Variants in OPRM1 observed in about 807,000 individuals in gnomAD.
OPRM1 encodes mu-type opioid receptor.
A neutral mutation model predicts 31.8 loss-of-function variants in OPRM1; 27 were observed. The ratio of observed to expected loss-of-function variants is 0.85; its 90% CI spans 0.63 to 1.17. The LOEUF (loss-of-function observed/expected upper bound fraction) is 1.17. Among genes scored for constraint, OPRM1 ranks in the 50% most tolerant of loss-of-function variants. The probability of loss-of-function intolerance (pLI) is 0.00; values close to 1 mark genes in which losing one functional copy is unlikely to be tolerated. For synonymous variants in OPRM1, 196 were observed against 189.9 expected (o/e 1.03, Z -0.26); for missense variants, 536 against 511.1 (o/e 1.05, Z -0.47).
At chr6:154,108,707 A>G in intron 3 of OPRM1, 1 of 862,542 alleles carries the variant, frequency 1.2e-6, no homozygotes, top group Non-Finnish European at 1.4e-6. Flanking sequence ...GGGGTCTCTA[A>G]CACCCTAAAT....
At chr6:154,053,780 C>G (rs1161877426) in intron 1 of OPRM1, among the ~76,000 whole-genome samples, 2 of 152,134 alleles carry the variant, frequency 1.3e-5, no homozygotes, top group Non-Finnish European at 2.9e-5. Context: ...GCCAGATGAC[C>G]ATCAGGAAAA....
intron 1 of OPRM1, among the ~76,000 whole-genome samples, chr6:154,075,742 G>A (rs771555447): frequency 2.4e-4 from 36 of 152,172 alleles, no homozygotes; most frequent in Non-Finnish European, 4.3e-4. Flanking sequence ...TATGCAGAGG[G>A]CTTGAAGACT....
At chr6:154,239,603 C>T (rs557833608) in intron 3 of OPRM1, among the ~76,000 whole-genome samples, 2 of 152,354 alleles carry the variant, frequency 1.3e-5, no homozygotes, top group Admixed American at 1.3e-4. Flanking sequence ...GACATGTCAA[C>T]ATTCCACCTT....
intron 1 of OPRM1, among the ~76,000 whole-genome samples, chr6:154,075,738 G>A (rs1787765007): frequency 6.6e-6 from 1 of 152,202 alleles, no homozygotes; most frequent in South Asian, 2.1e-4. Context: ...CTCCTATGCA[G>A]AGGGCTTGAA....
At position 154,129,529 on chromosome 6, in the gene OPRM1, C is replaced by T. The variant is rs1423347178; in HGVS notation, c.*10808C>T. Among the ~76,000 whole-genome samples the T allele has an allele frequency of 6.6e-6, 1 of 152,062 alleles. No homozygotes were observed. The highest frequency in any genetic ancestry group is 1.9e-4 in the East Asian group (1 of 5,198). On this transcript the variant is annotated 3_prime_UTR_variant, in exon 4 of 4. Coordinates refer to ENST00000330432, the MANE Select transcript of OPRM1 (RefSeq NM_000914.5). Reference sequence around the variant, plus strand: ...AACATCATATATGATTGGAGACTTCCACATAATTGAGTTTTAGTGCCCACT... The same window carrying T: ...AACATCATATATGATTGGAGACTTCTACATAATTGAGTTTTAGTGCCCACT...
In OPRM1 at chr6:154,061,615, A is replaced by C. The variant is rs555101227; in HGVS notation, c.290+21781A>C. Among the ~76,000 whole-genome samples, 14 of 152,244 alleles carry C rather than the reference A, an allele frequency of 9.2e-5. 1 individual carries two copies. The highest frequency in any genetic ancestry group is 3.4e-4 in the African/African-American group (14 of 41,554). ...GTTCTCACTTATAAGTGAGAGCTAA[A>C]CATTGAGTACACATGGACAAAGAGG... On this transcript the variant is annotated intron_variant, in intron 1 of 3. Transcript: ENST00000330432.
At chr6:154,145,626 A>G (rs1798340209) in intron 3 of OPRM1, among the ~76,000 whole-genome samples, 1 of 152,278 alleles carries the variant, frequency 6.6e-6, no homozygotes, top group Non-Finnish European at 1.5e-5. Flanking sequence ...GATGTAGACA[A>G]GATTATTCTA....
chr6:154,045,994 C>G (rs1443535436), intron 1 of OPRM1, among the ~76,000 whole-genome samples: 1 of 152,218 alleles, frequency 6.6e-6, no homozygotes, highest in African/African-American at 2.4e-5. Flanking sequence ...GTTTCCCACT[C>G]CTTGCCAAGC....
chr6:154,081,256 C>A (rs1789051015), intron 1 of OPRM1, among the ~76,000 whole-genome samples: 1 of 152,168 alleles, frequency 6.6e-6, no homozygotes, highest in Non-Finnish European at 1.5e-5. Flanking sequence ...GTAATCCCAG[C>A]ACTTTGGGAG....
At chr6:154,180,062 C>T (rs1293103667) in intron 3 of OPRM1, among the ~76,000 whole-genome samples, 1 of 152,156 alleles carries the variant, frequency 6.6e-6, no homozygotes, top group Non-Finnish European at 1.5e-5. Flanking sequence ...AGAGTTACAA[C>T]TAGCACACTG....
chr6:154,040,727 G>A (rs560050430), intron 1 of OPRM1, among the ~76,000 whole-genome samples: 1 of 152,238 alleles, frequency 6.6e-6, no homozygotes, highest in East Asian at 1.9e-4. Flanking sequence ...GGGTGCTCTA[G>A]ACAAAGTGTT....
chr6:154,179,452 C>T (rs967619756), intron 3 of OPRM1, among the ~76,000 whole-genome samples: 6 of 152,228 alleles, frequency 3.9e-5, no homozygotes, highest in African/African-American at 9.6e-5. Context: ...CAGAGAAGAC[C>T]GCTTGTCTCT....
intron 1 of OPRM1, among the ~76,000 whole-genome samples, chr6:154,059,084 T>C (rs1783898930): frequency 6.6e-6 from 1 of 152,150 alleles, no homozygotes; most frequent in Non-Finnish European, 1.5e-5. Flanking sequence ...TAAGGTAGCT[T>C]TTATATCTTA....
At chr6:154,096,563 A>G (rs1277838329) in intron 3 of OPRM1, among the ~76,000 whole-genome samples, 1 of 152,094 alleles carries the variant, frequency 6.6e-6, no homozygotes, top group Non-Finnish European at 1.5e-5. Context: ...CAACCACTAT[A>G]ATAATAATGC....
chr6:154,152,798 T>C (rs76346584), intron 3 of OPRM1, among the ~76,000 whole-genome samples: 1,731 of 152,286 alleles, frequency 0.011, 29 homozygotes, highest in African/African-American at 0.039. Flanking sequence ...AACCTGATTA[T>C]AGCTCACTGT....
intron 3 of OPRM1, among the ~76,000 whole-genome samples, chr6:154,245,587 T>C (rs1267788818): frequency 6.6e-6 from 1 of 152,250 alleles, no homozygotes; most frequent in Non-Finnish European, 1.5e-5. Flanking sequence ...TGTACAGCTC[T>C]GTTGCTTGAA....
rs1797261467 is a variant in OPRM1, at chr6:154,120,882, C to T, written c.*2161C>T. Among the ~76,000 whole-genome samples, 1 of 151,978 alleles carries T rather than the reference C, an allele frequency of 6.6e-6. No homozygotes were observed. The highest frequency in any genetic ancestry group is 2.1e-4 in the South Asian group (1 of 4,810). ...TGTCATGTGTGTGAACAAGTTTCTTCCATGTCATCTTTGAGACTCTACACA... is the reference window on the plus strand; with the variant it reads ...TGTCATGTGTGTGAACAAGTTTCTTTCATGTCATCTTTGAGACTCTACACA... On this transcript the variant is annotated 3_prime_UTR_variant, in exon 4 of 4. Transcript: ENST00000330432.
chr6:154,138,268 T>G (rs1798109271), intron 3 of OPRM1, among the ~76,000 whole-genome samples: 1 of 151,988 alleles, frequency 6.6e-6, no homozygotes, highest in African/African-American at 2.4e-5. Context: ...AGTCACGCAG[T>G]TTTTTAACAA....
chr6:154,117,858 GGTGTGTGTGTGT>G (rs60794328), intron 3 of OPRM1, among the ~76,000 whole-genome samples: 4 of 145,558 alleles, frequency 2.7e-5, no homozygotes, highest in African/African-American at 7.6e-5. Flanking sequence ...TTAAAAAGAT[GGTGTGTGTGTGT>G]GTGTGTGTGT....
Sources: gnomAD v4.1 joint callset for allele counts (sites outside exome capture counted in the v4.1 genomes callset) on GRCh38, gnomAD v4.1.1 for gene constraint, MANE v1.5 for transcripts, NCBI Gene and HGNC (gene_info 2026-07-23, HGNC 2026-07-21) for gene names.